MCFD2: variants seen among roughly 807,000 people sequenced by gnomAD.
MCFD2 encodes the protein multiple coagulation factor deficiency 2, ER cargo receptor complex subunit.
MCFD2 carries 11 observed loss-of-function variants against 12.8 expected under a neutral mutation model. The ratio of observed to expected loss-of-function variants is 0.86; its 90% confidence interval spans 0.54 to 1.42. The LOEUF (loss-of-function observed/expected upper bound fraction) is 1.42. Ranked by LOEUF, MCFD2 falls within the 40% of genes most tolerant of loss-of-function variation. MCFD2 has a pLI of 0.00. For synonymous variants in MCFD2, 70 were observed against 68.1 expected (o/e 1.03, Z -0.14); for missense variants, 191 against 178.6 (o/e 1.07, Z -0.40).
chr2:46,911,555 C>T (rs998820759), intron 1 of MCFD2, among the ~76,000 whole-genome samples: 1 of 151,502 alleles, frequency 6.6e-6, no homozygotes, highest in African/African-American at 2.4e-5. Context: ...AAGAATAATA[C>T]ACTTTTGTAA....
chr2:46,917,232 C>T (rs1307335108), upstream of MCFD2: 18 of 696,412 alleles, frequency 2.6e-5, no homozygotes, highest in Admixed American at 3.5e-4. Context: ...TGGGTTCAAG[C>T]AATCCTCCCA....
intron 1 of MCFD2, among the ~76,000 whole-genome samples, 165 bp from the exon 2 acceptor site, chr2:46,909,342 A>T (rs551769911): frequency 3.3e-5 from 5 of 152,274 alleles, no homozygotes; most frequent in Admixed American, 2.6e-4. Flanking sequence ...CTGTGGGATG[A>T]CCCTGGGCAC....
At chr2:46,916,303 G>T, upstream of MCFD2, 1 of 458,358 alleles carries the variant, frequency 2.2e-6, no homozygotes, top group Non-Finnish European at 2.9e-6. Context: ...AGATTGGCCT[G>T]CTTCCAGCGT....
chr2:46,906,471 G>A (rs1321088708), intron 3 of MCFD2, among the ~76,000 whole-genome samples: 4 of 148,032 alleles, frequency 2.7e-5, no homozygotes, highest in Admixed American at 1.4e-4. Context: ...GTGGAGGCAC[G>A]AGGATTTTTT....
At chr2:46,914,220 T>G (rs1047204283) in intron 1 of MCFD2, 1 of 152,284 alleles carries the variant, frequency 6.6e-6, no homozygotes, top group African/African-American at 2.4e-5. Context: ...GGCCCAACCC[T>G]TTCTTCCTGG....
At chr2:46,905,871 A>C (rs1171875636) in intron 3 of MCFD2, 17 of 545,842 alleles carry the variant, frequency 3.1e-5, no homozygotes, top group African/African-American at 1.5e-4. Context: ...TTTGCCAGTT[A>C]AAAGAAGGCC....
intron 3 of MCFD2, 121 bp from the exon 4 acceptor site, chr2:46,905,715 A>G: frequency 2.9e-6 from 3 of 1,027,406 alleles, no homozygotes; most frequent in Non-Finnish European, 2.9e-6. Context: ...AAAAAAAAAA[A>G]GGAAAAACAA....
chr2:46,905,272 C>T lies in MCFD2; in HGVS notation c.*191G>A, dbSNP rs139447086. 49 of 648,808 alleles carry T rather than the reference C, an allele frequency of 7.6e-5. No homozygotes were observed. The East Asian group carries it at 1.4e-3, about 19-fold the overall frequency. 40.2% of individuals were successfully genotyped at this position (648,808 alleles called of 1,614,324 possible). A position where few individuals can be genotyped will look rare whatever the true frequency, so the allele number is the denominator to read the frequency against. On this transcript the variant is annotated 3_prime_UTR_variant, in exon 4 of 4. Transcript: ENST00000319466. ...TAAGGTATTTAATAGCACTTAGGGA[C>T]TATTAGATGTCCCATTTCTCTTCTC...
At chr2:46,921,888 A>G (rs1022513006) in intron 1 of MCFD2, among the ~76,000 whole-genome samples, 5 of 146,412 alleles carry the variant, frequency 3.4e-5, no homozygotes, top group African/African-American at 1.3e-4. Context: ...GACAGGAGGC[A>G]TAGCTCAGGT....
At chr2:46,909,583 C>T (rs761874964) in intron 1 of MCFD2, among the ~76,000 whole-genome samples, 1 of 152,206 alleles carries the variant, frequency 6.6e-6, no homozygotes, top group Non-Finnish European at 1.5e-5. Flanking sequence ...GGGAAGAAAT[C>T]TCCTCCGAGT....
At chr2:46,912,185 A>C (rs1396315814) in intron 1 of MCFD2, among the ~76,000 whole-genome samples, 3 of 151,356 alleles carry the variant, frequency 2.0e-5, no homozygotes, top group South Asian at 4.2e-4. Context: ...AAATACAAAA[A>C]AAAATTTGCT....
At chr2:46,924,681 C>A (rs532846146) in intron 1 of MCFD2, among the ~76,000 whole-genome samples, 2 of 152,168 alleles carry the variant, frequency 1.3e-5, no homozygotes, top group East Asian at 3.9e-4. Context: ...GGCTGGAGCG[C>A]AGTGGTGCGA....
intron 1 of MCFD2, among the ~76,000 whole-genome samples, chr2:46,933,984 T>C (rs1002241146): frequency 2.0e-5 from 3 of 152,186 alleles, no homozygotes; most frequent in African/African-American, 4.8e-5. Flanking sequence ...TTCTGATGGC[T>C]GGGAGCACTT....
upstream of MCFD2, among the ~76,000 whole-genome samples, chr2:46,919,401 C>T (rs182423733): frequency 3.3e-5 from 5 of 152,184 alleles, no homozygotes; most frequent in East Asian, 3.9e-4. Context: ...GGTGTGGTGA[C>T]GCATGCTTGT....
intron 1 of MCFD2, among the ~76,000 whole-genome samples, chr2:46,926,797 A>G (rs1669406471): frequency 6.6e-6 from 1 of 152,190 alleles, no homozygotes; most frequent in South Asian, 2.1e-4. Context: ...CAATCAACGG[A>G]CCTCCACAGC....
At chr2:46,913,013 G>A (rs10174894) in intron 1 of MCFD2, among the ~76,000 whole-genome samples, 18,591 of 152,162 alleles carry the variant, frequency 0.12, 1,648 homozygotes, top group African/African-American at 0.24. Flanking sequence ...TGGTGTGTGT[G>A]TGTTGGGGGT....
upstream of MCFD2, among the ~76,000 whole-genome samples, chr2:46,919,324 A>G (rs1311337653): frequency 6.6e-6 from 1 of 152,182 alleles, no homozygotes; most frequent in African/African-American, 2.4e-5. Flanking sequence ...ACCTCAGGTC[A>G]GGAGTTCGAG....
chr2:46,910,316 A>T (rs1229432120), intron 1 of MCFD2, among the ~76,000 whole-genome samples: 1 of 152,196 alleles, frequency 6.6e-6, no homozygotes, highest in East Asian at 1.9e-4. Flanking sequence ...GACTGACCTC[A>T]AAAAGGAAGG....
upstream of MCFD2, among the ~76,000 whole-genome samples, chr2:46,920,499 T>G (rs1342696178): frequency 6.6e-6 from 1 of 151,996 alleles, no homozygotes; most frequent in Non-Finnish European, 1.5e-5. Flanking sequence ...CCAGCTAATT[T>G]TTTGTATTTT....
Sources: allele counts gnomAD v4.1 joint callset (sites outside exome capture counted in the v4.1 genomes callset), GRCh38; gene constraint gnomAD v4.1.1; transcripts MANE v1.5; gene names NCBI Gene and HGNC (gene_info 2026-07-23, HGNC 2026-07-21).